The following METTL8 variants were observed in gnomAD, a reference collection of about 807,000 sequenced individuals.
The protein encoded by METTL8 is tRNA N(3)-cytidine methyltransferase METTL8, mitochondrial.
In METTL8, 32 loss-of-function variants were observed where a neutral mutation model predicts 48.7. The ratio of observed to expected loss-of-function variants is 0.66; its 90% CI spans 0.50 to 0.88. METTL8 has a LOEUF of 0.88. Among genes scored for constraint, METTL8 ranks in the 40% least tolerant of loss-of-function variants. The probability of loss-of-function intolerance (pLI) is 0.00; values close to 1 mark genes in which losing one functional copy is unlikely to be tolerated. For missense variants in METTL8, 464 were observed against 474.4 expected, an observed-to-expected ratio of 0.98 and a Z score of 0.20; for synonymous variants, 136 against 157.1, an observed-to-expected ratio of 0.87 and a Z score of 1.01.
At chr2:171,426,609 C>G (rs2105673172) in intron 1 of METTL8, among the ~76,000 whole-genome samples, 1 of 152,268 alleles carries the variant, frequency 6.6e-6, no homozygotes, top group East Asian at 1.9e-4. Flanking sequence ...AGTCTGCGAG[C>G]TTTACTATCA....
intron 1 of METTL8, among the ~76,000 whole-genome samples, chr2:171,405,285 G>C (rs1690061628): frequency 6.6e-6 from 1 of 151,996 alleles, no homozygotes; most frequent in Admixed American, 6.6e-5. Flanking sequence ...CTGAAGTCGA[G>C]AGGGACTGAT....
chr2:171,423,212 C>T (rs1296826354), intron 1 of METTL8, among the ~76,000 whole-genome samples: 2 of 152,162 alleles, frequency 1.3e-5, no homozygotes, highest in Non-Finnish European at 2.9e-5. Context: ...AACTGTGAGA[C>T]AATTAAACCT....
intron 1 of METTL8, among the ~76,000 whole-genome samples, chr2:171,401,198 C>T (rs912176645): frequency 1.2e-4 from 18 of 152,048 alleles, no homozygotes; most frequent in African/African-American, 3.9e-4. Context: ...ACAAATTAAG[C>T]GCTACTGTTG....
chr2:171,356,869 C>G (rs969627720), intron 3 of METTL8, among the ~76,000 whole-genome samples: 2 of 151,328 alleles, frequency 1.3e-5, no homozygotes, highest in Non-Finnish European at 2.9e-5. Context: ...GAAGTCCTGG[C>G]CAGAGACATT....
chr2:171,388,956 C>G (rs1688325219), intron 2 of METTL8, among the ~76,000 whole-genome samples: 1 of 152,160 alleles, frequency 6.6e-6, no homozygotes, highest in South Asian at 2.1e-4. Context: ...GCTCCACTGA[C>G]CTGGCTTTCC....
chr2:171,431,177 A>G (rs953847894), intron 1 of METTL8, among the ~76,000 whole-genome samples: 1 of 152,204 alleles, frequency 6.6e-6, no homozygotes, highest in African/African-American at 2.4e-5. Context: ...TGTTTTGTGC[A>G]CATAAGGGAA....
chr2:171,412,026 A>G (rs1003221626), intron 1 of METTL8, among the ~76,000 whole-genome samples: 2 of 152,218 alleles, frequency 1.3e-5, no homozygotes, highest in African/African-American at 4.8e-5. Context: ...TGTTCATCAC[A>G]CTAATAATAA....
At chr2:171,397,679 G>A (rs1689246267) in intron 1 of METTL8, among the ~76,000 whole-genome samples, 1 of 151,466 alleles carries the variant, frequency 6.6e-6, no homozygotes, top group South Asian at 2.1e-4. Context: ...CTTCTGGCAA[G>A]ACTGATATCA....
At chr2:171,374,230 C>T (rs910767672) in intron 2 of METTL8, among the ~76,000 whole-genome samples, 1 of 152,118 alleles carries the variant, frequency 6.6e-6, no homozygotes, top group Admixed American at 6.5e-5. Flanking sequence ...TGGGAGTTTA[C>T]TCATGATTTG....
intron 3 of METTL8, among the ~76,000 whole-genome samples, chr2:171,350,088 A>G (rs1286932288): frequency 6.6e-6 from 1 of 152,034 alleles, no homozygotes; most frequent in East Asian, 1.9e-4. Flanking sequence ...CATTAGGTAT[A>G]TCTCCTAATG....
chr2:171,411,615 C>T lies in METTL8; in HGVS notation c.-12-19418G>A, dbSNP rs145057930. Among the ~76,000 whole-genome samples the T allele has an allele frequency of 1.7e-3, 262 of 151,996 alleles. 4 individuals carry two copies. In the Middle Eastern group the frequency reaches 0.068, roughly 39 times the overall value. On this transcript the variant is annotated intron_variant, in intron 1 of 9. Transcript: ENST00000375258. ...AAGATGTATATTAAGAAAAGGGCCACCCGTTTGGAAAAAAAAGGTACATCG... is the reference window on the plus strand; with the variant it reads ...AAGATGTATATTAAGAAAAGGGCCATCCGTTTGGAAAAAAAAGGTACATCG...
chr2:171,355,552 C>T (rs1347735055), intron 3 of METTL8, among the ~76,000 whole-genome samples: 1 of 152,230 alleles, frequency 6.6e-6, no homozygotes, highest in Non-Finnish European at 1.5e-5. Context: ...TTCAGCTATG[C>T]CCTGCCCCCA....
In METTL8 at chr2:171,432,022, A is replaced by G. The variant is rs558904499; in HGVS notation, c.-13+1861T>C. On this transcript the variant is annotated intron_variant, in intron 1 of 9. Transcript: ENST00000375258. ...CACTTGGAGCAACCAGCTGGATACC[A>G]CACAACTCTGCACTCACCAGCTCAG... Among the ~76,000 whole-genome samples, 3 of 152,310 alleles carry G rather than the reference A, an allele frequency of 2.0e-5. No individual in the cohort carries two copies. In the South Asian group the frequency reaches 6.2e-4, roughly 32 times the overall value.
intron 1 of METTL8, 100 bp from the exon 2 acceptor site, chr2:171,392,297 G>T: frequency 3.2e-6 from 3 of 943,982 alleles, no homozygotes; most frequent in Non-Finnish European, 4.6e-6. Context: ...ATCTGAGAAT[G>T]CACATGAAAA....
chr2:171,387,137 AC>A (rs1032996150), intron 2 of METTL8, among the ~76,000 whole-genome samples: 14 of 151,868 alleles, frequency 9.2e-5, no homozygotes, highest in Admixed American at 2.6e-4. Flanking sequence ...ATCTGTCTTT[AC>A]GATAAGGCAG....
At chr2:171,342,512 T>A (rs1019319714) in intron 3 of METTL8, among the ~76,000 whole-genome samples, 1 of 152,198 alleles carries the variant, frequency 6.6e-6, no homozygotes, top group Non-Finnish European at 1.5e-5. Flanking sequence ...TGATATACTA[T>A]GTAAGAAAAC....
intron 3 of METTL8, among the ~76,000 whole-genome samples, chr2:171,346,540 G>A (rs1039421775): frequency 3.9e-5 from 6 of 152,310 alleles, no homozygotes; most frequent in Admixed American, 3.9e-4. Flanking sequence ...GTGCCAGAGA[G>A]TTGGCCAGCA....
intron 2 of METTL8, chr2:171,375,267 T>A: frequency 9.9e-7 from 1 of 1,008,850 alleles, no homozygotes; most frequent in South Asian, 1.3e-5. Flanking sequence ...TGTTCCTTCT[T>A]TTCTTTGTCA....
chr2:171,325,916 A>T lies in METTL8; in HGVS notation c.968-10T>A. ...TCAGATAAACAATGTCCTGAAAAAA[A>T]TTGTGAAAAGAGAAACTCTTAAGGG... is the stretch of plus-strand genomic sequence containing the variant. On this transcript the variant is annotated splice_polypyrimidine_tract_variant and intron_variant, in intron 8 of 9. Transcript: ENST00000375258. The T allele has an allele frequency of 6.3e-7, 1 of 1,580,178 alleles. No homozygotes were observed. The highest frequency in any genetic ancestry group is 8.7e-7 in the Non-Finnish European group (1 of 1,154,346).
Sources: gnomAD v4.1 joint callset for allele counts (sites outside exome capture counted in the v4.1 genomes callset) on GRCh38, gnomAD v4.1.1 for gene constraint, MANE v1.5 for transcripts, NCBI Gene and HGNC (gene_info 2026-07-23, HGNC 2026-07-21) for gene names.